USP32: variants seen among roughly 807,000 people sequenced by gnomAD.
The protein encoded by USP32 is ubiquitin carboxyl-terminal hydrolase 32.
Under a neutral mutation model 204.8 loss-of-function variants are expected in USP32, and 59 were observed. The observed-to-expected ratio is 0.29, with a 90% CI of 0.23 to 0.36. The LOEUF is 0.36. USP32 is among the 10% of genes least tolerant of loss of function. USP32 has a pLI of 1.00. For synonymous variants in USP32, 517 were observed against 678.4 expected, an observed-to-expected ratio of 0.76 and a Z score of 3.70; for missense variants, 1,160 against 1,946.4, an observed-to-expected ratio of 0.60 and a Z score of 7.60.
chr17:60,233,567 G>C (rs1232990447), intron 12 of USP32, among the ~76,000 whole-genome samples: 4 of 152,138 alleles, frequency 2.6e-5, no homozygotes, highest in Non-Finnish European at 5.9e-5. Context: ...TTTACACATG[G>C]AGGAAACAAG....
At chr17:60,186,136 G>A (rs557646529) in intron 29 of USP32, among the ~76,000 whole-genome samples, 7 of 152,166 alleles carry the variant, frequency 4.6e-5, no homozygotes, top group South Asian at 2.1e-4. Context: ...ATGTTACATC[G>A]GTAACATTCT....
In USP32 at chr17:60,340,407, G is replaced by A. The variant is rs962167976; in HGVS notation, c.186+5074C>T. On this transcript the variant is annotated intron_variant, in intron 2 of 33. Transcript: ENST00000300896. ...AGCCTGGGCAAGATGGCAAAACCAC[G>A]ATTCTACAAAAAATACAAAAATTCT... 5.3e-5 allele frequency among the ~76,000 whole-genome samples: 8 copies of A among 152,112 alleles called. No homozygotes were observed. The East Asian group carries it at 7.7e-4, about 15-fold the overall frequency.
intron 1 of USP32, among the ~76,000 whole-genome samples, chr17:60,350,201 G>T (rs1157539642): frequency 6.6e-6 from 1 of 151,956 alleles, no homozygotes; most frequent in Non-Finnish European, 1.5e-5. Flanking sequence ...TTTAAATAGC[G>T]ATGGGGTTTT....
chr17:60,355,483 C>G (rs1761415914), intron 1 of USP32, among the ~76,000 whole-genome samples: 1 of 152,140 alleles, frequency 6.6e-6, no homozygotes, highest in Admixed American at 6.5e-5. Context: ...AGAACACTAT[C>G]AAAAACTGTC....
At chr17:60,402,282 A>G (rs1408570694) in intron 1 of USP32, among the ~76,000 whole-genome samples, 1 of 122,382 alleles carries the variant, frequency 8.2e-6, no homozygotes, top group Non-Finnish European at 1.6e-5. Flanking sequence ...ACAGAGTCTC[A>G]CTCTGTTGCC....
chr17:60,343,036 G>C (rs890584738), intron 2 of USP32, among the ~76,000 whole-genome samples: 2 of 152,170 alleles, frequency 1.3e-5, no homozygotes, highest in South Asian at 2.1e-4. Context: ...GACCAGAGCT[G>C]TTCCTATTCG....
chr17:60,344,983 C>T (rs765154982), intron 2 of USP32, among the ~76,000 whole-genome samples: 3 of 152,082 alleles, frequency 2.0e-5, no homozygotes, highest in African/African-American at 7.2e-5. Flanking sequence ...TTTTTAGAAA[C>T]AGAATATATC....
At chr17:60,279,322 A>G (rs1045636135) in intron 5 of USP32, among the ~76,000 whole-genome samples, 15 of 151,822 alleles carry the variant, frequency 9.9e-5, no homozygotes, top group African/African-American at 3.4e-4. Context: ...CATCTCTACA[A>G]ATAATTTTTA....
At chr17:60,198,843 G>A (rs1271507837) in intron 26 of USP32, among the ~76,000 whole-genome samples, 1 of 152,220 alleles carries the variant, frequency 6.6e-6, no homozygotes, top group East Asian at 1.9e-4. Context: ...GCTGGGTGTG[G>A]TGGCTCACGC....
At chr17:60,345,958 G>C (rs2088776857) in intron 1 of USP32, among the ~76,000 whole-genome samples, 1 of 151,244 alleles carries the variant, frequency 6.6e-6, no homozygotes, top group Non-Finnish European at 1.5e-5. Context: ...CTCCAGCATG[G>C]ACAACAGAGC....
intron 1 of USP32, among the ~76,000 whole-genome samples, chr17:60,359,380 T>C (rs1475207430): frequency 6.6e-6 from 1 of 152,214 alleles, no homozygotes; most frequent in African/African-American, 2.4e-5. Flanking sequence ...TTAAATATTA[T>C]TGATATTTTT....
intron 13 of USP32, among the ~76,000 whole-genome samples, chr17:60,224,828 G>C (rs2085342784): frequency 6.6e-6 from 1 of 152,106 alleles, no homozygotes; most frequent in Admixed American, 6.6e-5. Context: ...TGAGGGTTCT[G>C]CTACTGTACC....
chr17:60,200,670 G>A (rs2084654919), intron 26 of USP32, among the ~76,000 whole-genome samples: 1 of 151,776 alleles, frequency 6.6e-6, no homozygotes, highest in Non-Finnish European at 1.5e-5. Context: ...CCTCCCATTT[G>A]CTTCCTCCAA....
chr17:60,237,127 T>G (rs1598117187), intron 11 of USP32, among the ~76,000 whole-genome samples: 1 of 150,446 alleles, frequency 6.6e-6, no homozygotes, highest in East Asian at 2.0e-4. Flanking sequence ...TCTATCTATC[T>G]ATCTATCTAT....
intron 3 of USP32, among the ~76,000 whole-genome samples, chr17:60,296,116 T>G (rs1366289870): frequency 6.6e-6 from 1 of 152,212 alleles, no homozygotes; most frequent in Non-Finnish European, 1.5e-5. Context: ...AGTTTTAATA[T>G]TTTTAAAAAA....
intron 3 of USP32, among the ~76,000 whole-genome samples, chr17:60,300,019 T>A (rs892767567): frequency 1.3e-5 from 2 of 152,142 alleles, no homozygotes; most frequent in Middle Eastern, 3.2e-3. Flanking sequence ...CATCCCCTAA[T>A]ACCATCACCT....
chr17:60,327,365 C>A (rs1313560574), intron 2 of USP32, among the ~76,000 whole-genome samples: 12 of 149,012 alleles, frequency 8.1e-5, no homozygotes, highest in Admixed American at 8.0e-4. Context: ...CTGTGCTCCA[C>A]GTCACCGAAG....
upstream of USP32, among the ~76,000 whole-genome samples, chr17:60,394,032 G>T (rs1009338112): frequency 1.3e-5 from 2 of 152,200 alleles, no homozygotes; most frequent in African/African-American, 4.8e-5. Context: ...CAGATCAGCA[G>T]CGTGGCATTA....
At chr17:60,387,449 C>G (rs1450256530) in intron 1 of USP32, among the ~76,000 whole-genome samples, 1 of 152,210 alleles carries the variant, frequency 6.6e-6, no homozygotes, top group East Asian at 1.9e-4. Flanking sequence ...TCTAGGCCAT[C>G]AGAGACACCC....
Sources: allele counts gnomAD v4.1 joint callset (sites outside exome capture counted in the v4.1 genomes callset), GRCh38; gene constraint gnomAD v4.1.1; transcripts MANE v1.5; gene names NCBI Gene and HGNC (gene_info 2026-07-23, HGNC 2026-07-21).